MRGPRX3: variants seen among roughly 807,000 people sequenced by gnomAD.
MRGPRX3 encodes MAS related GPR family member X3, also known as mas-related G protein-coupled receptor member X3.
MRGPRX3 carries 14 observed loss-of-function variants against 16.5 expected under a neutral mutation model. The observed-to-expected ratio is 0.85, with a 90% confidence interval of 0.56 to 1.33. The LOEUF is 1.33. Ranked by LOEUF, MRGPRX3 falls within the 40% of genes most tolerant of loss-of-function variation. The pLI, the probability that MRGPRX3 is intolerant of heterozygous loss-of-function variation, is 0.00. For synonymous variants in MRGPRX3, 199 were observed against 180.1 expected, an observed-to-expected ratio of 1.10 and a Z score of -0.84; for missense variants, 449 against 413.0, an observed-to-expected ratio of 1.09 and a Z score of -0.76.
chr11:18,123,908 CT>C (rs1848864932), intron 1 of MRGPRX3, among the ~76,000 whole-genome samples: 1 of 152,190 alleles, frequency 6.6e-6, no homozygotes, highest in Non-Finnish European at 1.5e-5. Flanking sequence ...CCTCACATCC[CT>C]TGTAAGCTGG....
At chr11:18,128,366 G>GC, upstream of MRGPRX3, among the ~76,000 whole-genome samples, 1 of 152,334 alleles carries the variant, frequency 6.6e-6, no homozygotes, top group Admixed American at 6.5e-5. Flanking sequence ...GCTATGGCCT[G>GC]CCCCCAGAGG....
At chr11:18,131,540 T>G (rs1488491506), upstream of MRGPRX3, among the ~76,000 whole-genome samples, 1 of 152,122 alleles carries the variant, frequency 6.6e-6, no homozygotes, top group South Asian at 2.1e-4. Context: ...ATAATAGATG[T>G]TGGTGGGTCT....
intron 1 of MRGPRX3, 96 bp from the exon 2 acceptor site, chr11:18,137,082 T>C (rs958510626): frequency 3.7e-5 from 48 of 1,281,254 alleles, no homozygotes; most frequent in Admixed American, 4.6e-5. Context: ...CTCTGATCTC[T>C]CCTCTTTAAA....
At chr11:18,128,706 C>T (rs566575627), upstream of MRGPRX3, among the ~76,000 whole-genome samples, 239 of 152,342 alleles carry the variant, frequency 1.6e-3, no homozygotes, top group Middle Eastern at 0.01. Context: ...AAAGGGAATT[C>T]CCTGACCCCT....
upstream of MRGPRX3, among the ~76,000 whole-genome samples, chr11:18,130,824 A>T (rs1253905337): frequency 1.3e-5 from 2 of 152,314 alleles, no homozygotes; most frequent in African/African-American, 4.8e-5. Flanking sequence ...TGGCACTGAC[A>T]TAAAACTAGG....
upstream of MRGPRX3, among the ~76,000 whole-genome samples, chr11:18,128,676 C>G (rs1018390547): frequency 6.6e-6 from 1 of 152,226 alleles, no homozygotes; most frequent in Non-Finnish European, 1.5e-5. Context: ...TGCCGTCTGT[C>G]ACTCCTTTTC....
chr11:18,121,233 G>C (rs1264223041), intron 1 of MRGPRX3: 2 of 153,020 alleles, frequency 1.3e-5, no homozygotes, highest in Non-Finnish European at 2.9e-5. Flanking sequence ...CAACCGCCCC[G>C]TTTGAGAAGT....
At chr11:18,128,579 G>C (rs371329953), upstream of MRGPRX3, among the ~76,000 whole-genome samples, 1 of 152,336 alleles carries the variant, frequency 6.6e-6, no homozygotes, top group South Asian at 2.1e-4. Context: ...CTCCGAGCCA[G>C]GCACAGGATA....
At chr11:18,133,056 A>G (rs1848977334) in intron 1 of MRGPRX3, among the ~76,000 whole-genome samples, 1 of 152,188 alleles carries the variant, frequency 6.6e-6, no homozygotes, top group Non-Finnish European at 1.5e-5. Context: ...TTCTTCCCAG[A>G]GTTGAACTGC....
intron 1 of MRGPRX3, among the ~76,000 whole-genome samples, chr11:18,121,798 GCAGCATGCTCGTTAAGAGT>G (rs1183470616): frequency 6.6e-6 from 1 of 152,060 alleles, no homozygotes; most frequent in African/African-American, 2.4e-5. Flanking sequence ...ACGCTTGAAG[GCAGCATGCTCGTTAAGAGT>G]CATCACCACT....
rs2134087325 is a variant in MRGPRX3 at position 18,138,230 on chromosome 11, G to C, written c.*59G>C. The C allele has an allele frequency of 2.6e-6, 4 of 1,527,054 alleles. No homozygotes were observed. The African/African-American group carries it at 4.2e-5, about 16-fold the overall frequency. The allele number at this position is 1,527,054 out of a possible 1,614,324, so 94.6% of individuals were successfully genotyped here. ...AGAGCAATGCTGCCCTGCCACCCTT[G>C]ACAATTATATGCATTTTTCTTAGCC... On this transcript the variant is annotated 3_prime_UTR_variant, in exon 2 of 2. Transcript: ENST00000621697.
chr11:18,137,348 T>C lies in MRGPRX3; in HGVS notation c.146T>C (p.Leu49Pro), dbSNP rs750111312. 6.2e-7 allele frequency: 1 copy of C among 1,614,210 alleles called. No individual in the cohort carries two copies. Among genetic ancestry groups the C allele is most frequent in the Non-Finnish European group, 8.5e-7 (1 of 1,180,034 alleles). ...LVALTGNAVV[L>P]WLLGCRMRRN... is the part of the protein sequence containing the mutation. ...GCGCTGACAGGAAACGCGGTTGTGC[T>C]CTGGCTCCTGGGCTGCCGCATGCGC... The change falls in exon 2 of 2, where the codon CTC becomes CCC. Residue 49 changes from leucine (L) to proline (P), a missense_variant. Coordinates refer to ENST00000621697, the MANE Select transcript of MRGPRX3 (RefSeq NM_001370464.1).
Position 18,137,514 on chromosome 11 carries a change from T to G in MRGPRX3, c.312T>G (p.Phe104Leu). The stretch of plus-strand genomic sequence containing the variant: ...AAATCCTCAGTCCTGTGATGACCTT[T>G]CCCTACTTTATAGGCCTAAGCATGC... The part of the protein sequence containing the change: ...ISKILSPVMT[F>L]PYFIGLSMLS... The change falls in exon 2 of 2, where the codon TTT (phenylalanine) becomes TTG (leucine). Residue 104 changes from phenylalanine (F) to leucine (L), a missense_variant. Coordinates refer to ENST00000621697, the MANE Select transcript of MRGPRX3 (RefSeq NM_001370464.1). The G allele has an allele frequency of 6.2e-7, 1 of 1,614,176 alleles. No individual in the cohort carries two copies. Among genetic ancestry groups the G allele is most frequent in the Non-Finnish European group, 8.5e-7 (1 of 1,180,042 alleles).
intron 1 of MRGPRX3, among the ~76,000 whole-genome samples, chr11:18,126,279 T>A (rs1170563274): frequency 6.6e-6 from 1 of 152,230 alleles, no homozygotes; most frequent in Admixed American, 6.5e-5. Context: ...TGCAGTTTCT[T>A]CCTAACATTG....
At chr11:18,129,979 T>C (rs1848944644), upstream of MRGPRX3, among the ~76,000 whole-genome samples, 2 of 152,164 alleles carry the variant, frequency 1.3e-5, no homozygotes, top group South Asian at 4.1e-4. Flanking sequence ...AAATCTAACA[T>C]TTCTTTATGA....
Position 18,138,189 on chromosome 11 carries a change from G to T in MRGPRX3, c.*18G>T. 6.3e-7 allele frequency: 1 copy of T among 1,582,472 alleles called. No homozygotes were observed. Among genetic ancestry groups the T allele is most frequent in the Non-Finnish European group, 8.6e-7 (1 of 1,165,020 alleles). ...AGCAGTGAGGAAGAACCTCTGCCCT[G>T]TCAGACAGGACTTTGAGAGCAATGC... is the stretch of plus-strand genomic sequence containing the variant. On this transcript the variant is annotated 3_prime_UTR_variant, in exon 2 of 2. Transcript: ENST00000621697.
chr11:18,131,396 A>T (rs1036101237), upstream of MRGPRX3, among the ~76,000 whole-genome samples: 1 of 152,186 alleles, frequency 6.6e-6, no homozygotes, highest in African/African-American at 2.4e-5. Context: ...ACAATTCTCA[A>T]AAGAAGATAT....
At chr11:18,127,267 A>T (rs529480137) in intron 1 of MRGPRX3, among the ~76,000 whole-genome samples, 1 of 152,120 alleles carries the variant, frequency 6.6e-6, no homozygotes, top group African/African-American at 2.4e-5. Flanking sequence ...GCTCTTCTCG[A>T]GGAGTATCTT....
upstream of MRGPRX3, among the ~76,000 whole-genome samples, chr11:18,128,631 G>T (rs907724351): frequency 6.6e-6 from 1 of 152,202 alleles, no homozygotes; most frequent in African/African-American, 2.4e-5. Context: ...TTGGGAAAGC[G>T]CAGTATTAGG....
Sources: allele counts gnomAD v4.1 joint callset (sites outside exome capture counted in the v4.1 genomes callset), GRCh38; gene constraint gnomAD v4.1.1; transcripts MANE v1.5; gene names NCBI Gene and HGNC (gene_info 2026-07-23, HGNC 2026-07-21).